The following IL6ST variants were observed in gnomAD, a reference collection of about 807,000 sequenced individuals.
The protein encoded by IL6ST is interleukin-6 receptor subunit beta.
In IL6ST, 24 loss-of-function variants were observed where a neutral mutation model predicts 91.3. The observed-to-expected ratio is 0.26, with a 90% CI of 0.19 to 0.37. IL6ST has a LOEUF of 0.37. Among genes scored for constraint, IL6ST ranks in the 10% least tolerant of loss-of-function variants. The pLI, the probability that IL6ST is intolerant of heterozygous loss-of-function variation, is 1.00. For missense variants in IL6ST, 914 were observed against 1,078.5 expected, an observed-to-expected ratio of 0.85 and a Z score of 2.14; for synonymous variants, 351 against 373.6, an observed-to-expected ratio of 0.94 and a Z score of 0.70.
chr5:55,950,570 G>GGAGAAGAAGAAGAA (rs1299686791), intron 14 of IL6ST, among the ~76,000 whole-genome samples: 5 of 143,870 alleles, frequency 3.5e-5, no homozygotes, highest in Admixed American at 1.4e-4. Context: ...AGCAAAAAAA[G>GGAGAAGAAGAAGAA]GAGAAGAAGA....
At chr5:55,956,273 A>T (rs1200195061) in intron 9 of IL6ST, 38 bp from the exon 10 acceptor site, 2 of 1,203,722 alleles carry the variant, frequency 1.7e-6, no homozygotes, top group East Asian at 4.9e-5. Context: ...ATAATCTCAT[A>T]AATCTTGAAT....
chr5:55,991,113 C>G (rs567779007), intron 1 of IL6ST, among the ~76,000 whole-genome samples: 1 of 152,094 alleles, frequency 6.6e-6, no homozygotes, highest in Admixed American at 6.6e-5. Context: ...TGTATATGTG[C>G]CACATTTTCT....
rs1360395573 is a variant in IL6ST, at chr5:55,941,245, A to C, written c.2594T>G (p.Met865Arg). The C allele has an allele frequency of 6.2e-7, 1 of 1,614,170 alleles. No homozygotes were observed. Among genetic ancestry groups the C allele is most frequent in the Admixed American group, 1.7e-5 (1 of 60,016 alleles). The change falls in exon 17 of 17, where the codon ATG becomes AGG. Residue 865 changes from methionine (M) to arginine (R), a missense_variant. Coordinates refer to ENST00000381298, the MANE Select transcript of IL6ST (RefSeq NM_002184.4). ...TGCAGAAACTTCCTGAAACATTTTC[A>C]TTTGCCCAGATCCACAGGATTGTGA... ...HISQSCGSGQ[M>R]KMFQEVSAAD...
chr5:55,968,947 A>G (rs1752793427), intron 4 of IL6ST, among the ~76,000 whole-genome samples: 2 of 152,172 alleles, frequency 1.3e-5, no homozygotes, highest in South Asian at 4.1e-4. Flanking sequence ...TAATCCCAGC[A>G]GTTTGGGAGC....
At chr5:55,951,261 A>C (rs764914475) in intron 14 of IL6ST, among the ~76,000 whole-genome samples, 3 of 152,240 alleles carry the variant, frequency 2.0e-5, no homozygotes, top group Non-Finnish European at 2.9e-5. Flanking sequence ...AGTACAGCTG[A>C]ATATAGTCAG....
At chr5:55,960,922 C>T (rs147622504) in intron 7 of IL6ST, among the ~76,000 whole-genome samples, 2,833 of 152,184 alleles carry the variant, frequency 0.019, 40 homozygotes, top group Middle Eastern at 0.037. Flanking sequence ...TGAGCCACTG[C>T]GCTCAGCCTA....
chr5:55,990,515 A>G (rs1392990427), intron 1 of IL6ST, among the ~76,000 whole-genome samples: 1 of 152,220 alleles, frequency 6.6e-6, no homozygotes, highest in Non-Finnish European at 1.5e-5. Context: ...AAGATAAAGT[A>G]CTGGGCATCG....
Position 55,941,604 on chromosome 5 carries a change from A to C in IL6ST, c.2235T>G (p.Asp745Glu), listed in dbSNP as rs61755738. 6,501 of 1,614,154 alleles carry C rather than the reference A, an allele frequency of 4.0e-3. 18 individuals are homozygous for C. The highest frequency in any genetic ancestry group is 4.7e-3 in the Non-Finnish European group (5,535 of 1,180,002). The change falls in exon 17 of 17, where the codon GAT (aspartate) becomes GAG (glutamate). Residue 745 changes from aspartate (D) to glutamate (E), a missense_variant. Physicochemically the swap from Asp to Glu is conservative, Grantham distance 45. Coordinates refer to ENST00000381298, the MANE Select transcript of IL6ST (RefSeq NM_002184.4). The stretch of plus-strand genomic sequence containing the variant: ...AAGTGTTTTGTGAAGATTCATTTTC[A>C]TCACTGCTAGAAATGCTTGGCCTAG... The part of the protein sequence containing the change: ...SSSRPSISSS[D>E]ENESSQNTSS...
Position 55,960,440 on chromosome 5 carries a change from T to C in IL6ST, c.935A>G (p.Asp312Gly). 6.2e-7 allele frequency: 1 copy of C among 1,613,902 alleles called. No homozygotes were observed. Among genetic ancestry groups the C allele is most frequent in the Non-Finnish European group, 8.5e-7 (1 of 1,179,828 alleles). ...GATCCCACTTGCTTCTTCACTCCAG[T>C]CACTCCAGTATCCCTTACCATCTTC... ...MKEDGKGYWS[D>G]WSEEASGITY... Residue 312 changes from aspartate (D) to glycine (G), a missense_variant, in exon 8 of 17, where the codon GAC becomes GGC. Physicochemically the swap from Asp to Gly is moderately conservative, Grantham distance 94. Transcript: ENST00000381298.
At chr5:55,953,879 C>T (rs1561167757) in intron 11 of IL6ST, among the ~76,000 whole-genome samples, 2 of 152,182 alleles carry the variant, frequency 1.3e-5, no homozygotes, top group Non-Finnish European at 2.9e-5. Context: ...CCCAGATACT[C>T]CAGAGGATGA....
intron 1 of IL6ST, among the ~76,000 whole-genome samples, chr5:55,990,290 AAG>A (rs1373281346): frequency 2.4e-5 from 3 of 125,884 alleles, no homozygotes; most frequent in South Asian, 2.2e-4. Flanking sequence ...TTAAAAAAAA[AAG>A]AAGAAGAAGA....
At chr5:55,991,210 G>T (rs1045449968) in intron 1 of IL6ST, among the ~76,000 whole-genome samples, 1 of 152,156 alleles carries the variant, frequency 6.6e-6, no homozygotes, top group African/African-American at 2.4e-5. Flanking sequence ...ACGTGTGCAT[G>T]TATGTCTTTA....
At chr5:55,958,225 C>A (rs958436579) in intron 8 of IL6ST, among the ~76,000 whole-genome samples, 4 of 152,124 alleles carry the variant, frequency 2.6e-5, no homozygotes, top group African/African-American at 9.7e-5. Context: ...CCCACCTCAG[C>A]AACCCAAGTA....
chr5:55,955,962 C>A (rs1751931797), intron 10 of IL6ST, 63 bp downstream of exon 10: 1 of 1,028,124 alleles, frequency 9.7e-7, no homozygotes, highest in African/African-American at 1.6e-5. Context: ...TTATGGGAGC[C>A]CTGTCCATAC....
intron 2 of IL6ST, among the ~76,000 whole-genome samples, chr5:55,976,978 A>G (rs1237248847): frequency 1.3e-5 from 2 of 152,212 alleles, no homozygotes; most frequent in Admixed American, 1.3e-4. Flanking sequence ...TCCCCAAAAT[A>G]AAAACATATG....
At chr5:55,963,273 T>A in intron 7 of IL6ST, 79 bp downstream of exon 7, 1 of 1,014,478 alleles carries the variant, frequency 9.9e-7, no homozygotes. Context: ...CTTAAAGACA[T>A]TTAGAAAATG....
At chr5:55,964,368 G>A (rs927082643) in intron 5 of IL6ST, 56 bp from the exon 6 acceptor site, 1 of 1,331,204 alleles carries the variant, frequency 7.5e-7, no homozygotes, top group Admixed American at 2.1e-5. Context: ...AAAAATTAGA[G>A]TGAAAAAAAT....
At position 55,941,555 on chromosome 5, in the gene IL6ST, C is replaced by T. The variant is rs1273974875; in HGVS notation, c.2284G>A (p.Val762Met). The T allele has an allele frequency of 1.1e-5, 18 of 1,613,994 alleles. No individual in the cohort carries two copies. Among genetic ancestry groups the T allele is most frequent in the East Asian group, 2.2e-5 (1 of 44,898 alleles). ...TGGTGTCTGTAGCCACTGTGTACCA[C>T]GGTAGAATACTGGACAGTGCTCGAA... The part of the protein sequence containing the change: ...NTSSTVQYST[V>M]VHSGYRHQVP... The change falls in exon 17 of 17, where the codon GTG (valine) becomes ATG (methionine). Residue 762 changes from valine to methionine, a missense_variant. By Grantham distance (21) the Val-to-Met change is conservative. Transcript: ENST00000381298.
intron 15 of IL6ST, 49 bp downstream of exon 15, chr5:55,947,444 G>A (rs199837138): frequency 4.0e-5 from 39 of 964,610 alleles, no homozygotes; most frequent in East Asian, 3.8e-4. Context: ...TGTAAATTCA[G>A]CTCAATAAAG....
Sources: allele counts gnomAD v4.1 joint callset (sites outside exome capture counted in the v4.1 genomes callset), GRCh38; gene constraint gnomAD v4.1.1; transcripts MANE v1.5; gene names NCBI Gene and HGNC (gene_info 2026-07-23, HGNC 2026-07-21).